SNU13: variants seen among roughly 807,000 people sequenced by gnomAD.
The protein encoded by SNU13 is small nuclear ribonucleoprotein 13.
Under a neutral mutation model 12.4 loss-of-function variants are expected in SNU13, and 2 were observed. That is an observed-to-expected ratio of 0.16 (90% confidence interval 0.07 to 0.51). SNU13 has a LOEUF of 0.51. Among genes scored for constraint, SNU13 ranks in the 20% least tolerant of loss-of-function variants. The probability of loss-of-function intolerance (pLI) is 0.96; values close to 1 mark genes in which losing one functional copy is unlikely to be tolerated. For synonymous variants in SNU13, 68 were observed against 66.5 expected, an observed-to-expected ratio of 1.02 and a Z score of -0.11; for missense variants, 66 against 157.8, an observed-to-expected ratio of 0.42 and a Z score of 3.12.
chr22:41,675,343 T>C, intron 2 of SNU13, 148 bp from the exon 3 acceptor site: 1 of 961,002 alleles, frequency 1.0e-6, no homozygotes, highest in African/African-American at 1.6e-5. Context: ...CAGTCAGTCA[T>C]ACACAATGGC....
chr22:41,686,695 C>T (rs1008382930), intron 1 of SNU13, among the ~76,000 whole-genome samples: 5 of 151,628 alleles, frequency 3.3e-5, no homozygotes, highest in Non-Finnish European at 5.9e-5. Context: ...GGCATGATCT[C>T]GGCTCACTGC....
At position 41,674,250 on chromosome 22, in the gene SNU13, C is replaced by A. The variant is rs1432816665; in HGVS notation, c.*683G>T. The A allele has an allele frequency of 6.5e-6, 1 of 153,172 alleles. No individual in the cohort carries two copies. Among genetic ancestry groups the A allele is most frequent in the African/African-American group, 2.4e-5 (1 of 41,466 alleles). 9.5% of individuals were successfully genotyped at this position (153,172 alleles called of 1,614,324 possible). Reference sequence around the variant, plus strand: ...CTCTTTCAAGACCCAGGTCAACTGCCCCATGGCTCACCCACCCAGGCTGCC... The same window carrying A: ...CTCTTTCAAGACCCAGGTCAACTGCACCATGGCTCACCCACCCAGGCTGCC... On this transcript the variant is annotated 3_prime_UTR_variant, in exon 3 of 3. Coordinates refer to ENST00000401959, the MANE Select transcript of SNU13 (RefSeq NM_001003796.2).
chr22:41,675,509 C>T (rs746253547), intron 2 of SNU13, among the ~76,000 whole-genome samples: 1 of 151,976 alleles, frequency 6.6e-6, no homozygotes, highest in Non-Finnish European at 1.5e-5. Flanking sequence ...TCAACCTCCG[C>T]TTCCCGGGTT....
chr22:41,682,447 A>G (rs2068272749), intron 1 of SNU13: 1 of 1,608,520 alleles, frequency 6.2e-7, no homozygotes, highest in African/African-American at 1.3e-5. Context: ...CCGCAAGGAC[A>G]CGGATGCCCC....
chr22:41,684,930 G>A (rs1483172955), intron 1 of SNU13, among the ~76,000 whole-genome samples: 2 of 152,128 alleles, frequency 1.3e-5, no homozygotes, highest in African/African-American at 4.8e-5. Context: ...CAAGGTGGGT[G>A]GCTCTCTTGA....
intron 1 of SNU13, chr22:41,681,503 T>C (rs2068262271): frequency 6.6e-6 from 1 of 152,228 alleles, no homozygotes; most frequent in African/African-American, 2.4e-5. Context: ...TCCTAAATGC[T>C]GTATTAGGCG....
chr22:41,682,612 G>A, intron 1 of SNU13: 1 of 1,403,120 alleles, frequency 7.1e-7, no homozygotes, highest in Non-Finnish European at 9.3e-7. Context: ...GTGAAGGATG[G>A]AGGAGTTCTC....
At chr22:41,681,813 T>G (rs1432240663) in intron 1 of SNU13, among the ~76,000 whole-genome samples, 1 of 152,116 alleles carries the variant, frequency 6.6e-6, no homozygotes. Flanking sequence ...AGGCGGAGGA[T>G]GCAATGAGCG....
chr22:41,674,745 G>A lies in SNU13; in HGVS notation c.*188C>T. On this transcript the variant is annotated 3_prime_UTR_variant, in exon 3 of 3. Transcript: ENST00000401959. ...AAGGATGAAGGATGGCAGAGGGAGG[G>A]AGGAAAGGAAGGGGGATAGCAACCC... 1.4e-6 allele frequency: 1 copy of A among 716,430 alleles called. No homozygotes were observed. Among genetic ancestry groups the A allele is most frequent in the Non-Finnish European group, 2.2e-6 (1 of 446,600 alleles). 44.4% of individuals were successfully genotyped at this position (716,430 alleles called of 1,614,324 possible).
At chr22:41,675,605 A>G (rs1319601555) in intron 2 of SNU13, among the ~76,000 whole-genome samples, 1 of 151,018 alleles carries the variant, frequency 6.6e-6, no homozygotes, top group African/African-American at 2.4e-5. Flanking sequence ...TATTTTTAGT[A>G]GAGAGAGGGC....
Position 41,688,793 on chromosome 22 carries a change from C to A in SNU13, c.3+1G>T, listed in dbSNP as rs1426701170. On this transcript the variant is annotated splice_donor_variant, in intron 1 of 2. Coordinates refer to ENST00000401959, the MANE Select transcript of SNU13 (RefSeq NM_001003796.2). LOFTEE classifies it high-confidence loss of function. ...GTCCCTCGGCCGGCGCACGCACTCA[C>A]CATGGCTGCGGTTCCGCGGGCTCAG... The A allele has an allele frequency of 1.9e-6, 3 of 1,601,936 alleles. No homozygotes were observed. Among genetic ancestry groups the A allele is most frequent in the Admixed American group, 3.3e-5 (2 of 59,878 alleles).
At chr22:41,675,484 C>T (rs929160948) in intron 2 of SNU13, among the ~76,000 whole-genome samples, 12 of 151,428 alleles carry the variant, frequency 7.9e-5, no homozygotes, top group African/African-American at 1.9e-4. Context: ...TGCAGTGGTG[C>T]GATCTTGGCT....
upstream of SNU13, chr22:41,688,868 G>A: frequency 6.6e-7 from 1 of 1,523,766 alleles, no homozygotes; most frequent in South Asian, 1.2e-5. Flanking sequence ...GCGTGCACCG[G>A]AAAAACTCAC....
chr22:41,678,133 G>A (rs551803662), intron 2 of SNU13, among the ~76,000 whole-genome samples: 3 of 152,080 alleles, frequency 2.0e-5, no homozygotes, highest in East Asian at 1.9e-4. Context: ...CCGCCACCAC[G>A]CCCGGCTAAT....
At chr22:41,681,659 TA>T (rs1240825753) in intron 1 of SNU13, 1 of 152,258 alleles carries the variant, frequency 6.6e-6, no homozygotes, top group Non-Finnish European at 1.5e-5. Context: ...ATTCTTACTT[TA>T]TAGATATATA....
At chr22:41,687,302 A>T (rs2068319021) in intron 1 of SNU13, among the ~76,000 whole-genome samples, 1 of 151,878 alleles carries the variant, frequency 6.6e-6, no homozygotes, top group Admixed American at 6.6e-5. Context: ...ATTACATGGA[A>T]CCCCCAAAGT....
chr22:41,686,838 G>C (rs1434114576), intron 1 of SNU13, among the ~76,000 whole-genome samples: 1 of 147,248 alleles, frequency 6.8e-6, no homozygotes, highest in East Asian at 2.0e-4. Flanking sequence ...TGTTGGTCAG[G>C]CTGGTCTTGA....
intron 2 of SNU13, 126 bp downstream of exon 2, chr22:41,680,118 A>G: frequency 7.9e-7 from 1 of 1,262,624 alleles, no homozygotes; most frequent in Admixed American, 2.6e-5. Flanking sequence ...ATCTAATGCC[A>G]AAGTCCTCCC....
At chr22:41,678,770 A>G (rs538458379) in intron 2 of SNU13, among the ~76,000 whole-genome samples, 1 of 152,316 alleles carries the variant, frequency 6.6e-6, no homozygotes, top group East Asian at 1.9e-4. Flanking sequence ...CAGTGTGACG[A>G]GCAGGGAGGA....
Sources: allele counts gnomAD v4.1 joint callset (sites outside exome capture counted in the v4.1 genomes callset), GRCh38; gene constraint gnomAD v4.1.1; transcripts MANE v1.5; gene names NCBI Gene and HGNC (gene_info 2026-07-23, HGNC 2026-07-21).